Variants in CDKL3 observed in about 807,000 individuals in gnomAD.
The protein encoded by CDKL3 is cyclin-dependent kinase-like 3.
CDKL3 carries 65 observed loss-of-function variants against 69.3 expected under a neutral mutation model. The observed-to-expected ratio is 0.94, with a 90% CI of 0.77 to 1.15. The LOEUF (loss-of-function observed/expected upper bound fraction) is 1.15, where lower values mean the gene tolerates loss of function less well. Ranked by LOEUF, CDKL3 falls within the 50% of genes most tolerant of loss-of-function variation. CDKL3 has a pLI of 0.00. For synonymous variants in CDKL3, 202 were observed against 221.6 expected (o/e 0.91, Z 0.79); for missense variants, 652 against 689.2 (o/e 0.95, Z 0.61).
chr5:134,336,828 G>A (rs1777230647), intron 4 of CDKL3, among the ~76,000 whole-genome samples: 2 of 152,352 alleles, frequency 1.3e-5, no homozygotes, highest in Non-Finnish European at 1.5e-5. Context: ...TCGGAGCTCA[G>A]ATGTCATGCT....
upstream of CDKL3, chr5:134,371,549 C>T (rs770588801): frequency 1.3e-6 from 2 of 1,598,600 alleles, no homozygotes; most frequent in South Asian, 1.1e-5. Flanking sequence ...GGGGGGGCTG[C>T]GCGGGACTTT....
intron 3 of CDKL3, among the ~76,000 whole-genome samples, chr5:134,353,624 T>C (rs977551397): frequency 1.3e-5 from 2 of 150,880 alleles, no homozygotes; most frequent in African/African-American, 4.9e-5. Context: ...CAATCTCGGC[T>C]CACTGCAACC....
upstream of CDKL3, among the ~76,000 whole-genome samples, chr5:134,369,990 A>G (rs1418323546): frequency 6.6e-6 from 1 of 152,240 alleles, no homozygotes; most frequent in African/African-American, 2.4e-5. Flanking sequence ...TTTAACTTAA[A>G]AAACACATTG....
rs762641449 is a variant in CDKL3, at chr5:134,350,421, G to A, written c.367C>T (p.His123Tyr). The change falls in exon 4 of 13, where the codon CAT becomes TAT. Residue 123 changes from histidine to tyrosine, a missense_variant. Coordinates refer to ENST00000265334, the MANE Select transcript of CDKL3 (RefSeq NM_001113575.2). ...IDYLHSNNIIHRDIKPENILV... is the reference protein window; with the variant it reads ...IDYLHSNNIIYRDIKPENILV... ...ATATTCTCAGGTTTTATATCTCGAT[G>A]AATGATCTAAAAAACAAACAGAATA... is the stretch of plus-strand genomic sequence containing the variant. The A allele has an allele frequency of 1.3e-6, 2 of 1,537,468 alleles. No homozygotes were observed. The highest frequency in any genetic ancestry group is 2.4e-5 in the South Asian group (2 of 82,698).
intron 8 of CDKL3, among the ~76,000 whole-genome samples, chr5:134,293,164 G>T (rs2149405077): frequency 6.6e-6 from 1 of 151,840 alleles, no homozygotes; most frequent in Admixed American, 6.6e-5. Flanking sequence ...GAGATTACAG[G>T]CATGCGCCAC....
intron 12 of CDKL3, chr5:134,299,475 A>G: frequency 8.2e-7 from 1 of 1,212,450 alleles, no homozygotes. Flanking sequence ...CCAGTCAGGT[A>G]GTTTTTATAA....
Position 134,310,981 on chromosome 5 carries a change from C to T in CDKL3, c.881+1311G>A, listed in dbSNP as rs1045134716. On this transcript the variant is annotated intron_variant, in intron 7 of 12. Transcript: ENST00000265334. ...ATGGATGTCCATCTTTCTAACGTCA[C>T]GTCCAAAGACAAGCTGAATGGTTTT... Among the ~76,000 whole-genome samples the T allele has an allele frequency of 4.6e-5, 7 of 152,174 alleles. No individual in the cohort carries two copies. In the South Asian group the frequency reaches 8.3e-4, roughly 18 times the overall value.
At chr5:134,286,114 G>A (rs1764848139), downstream of CDKL3, among the ~76,000 whole-genome samples, 1 of 152,018 alleles carries the variant, frequency 6.6e-6, no homozygotes, top group Non-Finnish European at 1.5e-5. Context: ...GAGTGAGACT[G>A]TCTCAAAAAA....
intron 3 of CDKL3, among the ~76,000 whole-genome samples, chr5:134,352,552 C>T (rs527851302): frequency 1.3e-5 from 2 of 152,074 alleles, no homozygotes; most frequent in African/African-American, 4.8e-5. Context: ...TCACCTGCCT[C>T]AGCCTCCCAA....
At chr5:134,311,187 C>T (rs988710239) in intron 7 of CDKL3, among the ~76,000 whole-genome samples, 2 of 152,130 alleles carry the variant, frequency 1.3e-5, no homozygotes, top group Admixed American at 1.3e-4. Flanking sequence ...AGGGAACTTC[C>T]AATTTCATGG....
chr5:134,298,686 T>TC lies in CDKL3; in HGVS notation c.1743dup (p.Lys582GlufsTer25). ...AAAAACCTGTTTCTCTTCAAATTCT[T>TC]CCCCTCGCAATGGCCATCTCCACCC... On this transcript the variant is annotated frameshift_variant, in exon 13 of 13. Coordinates refer to ENST00000265334, the MANE Select transcript of CDKL3 (RefSeq NM_001113575.2). LOFTEE classifies it high-confidence loss of function. The TC allele has an allele frequency of 1.2e-6, 2 of 1,613,058 alleles. No homozygotes were observed. Among genetic ancestry groups the TC allele is most frequent in the Non-Finnish European group, 1.7e-6 (2 of 1,179,396 alleles).
At chr5:134,321,008 T>C (rs1223845140) in intron 5 of CDKL3, among the ~76,000 whole-genome samples, 2 of 140,984 alleles carry the variant, frequency 1.4e-5, no homozygotes, top group African/African-American at 5.3e-5. Context: ...ACATATTCTT[T>C]TTTTTTTTTT....
At chr5:134,287,473 C>T (rs111266687) in intron 8 of CDKL3, among the ~76,000 whole-genome samples, 1 of 152,156 alleles carries the variant, frequency 6.6e-6, no homozygotes, top group Non-Finnish European at 1.5e-5. Context: ...CAGTTGTATC[C>T]CCTTTCACTT....
intron 3 of CDKL3, among the ~76,000 whole-genome samples, chr5:134,352,133 A>G (rs1017893408): frequency 3.9e-5 from 6 of 152,148 alleles, no homozygotes; most frequent in South Asian, 2.1e-4. Flanking sequence ...AAGTAAGATC[A>G]TGCGGTATTT....
upstream of CDKL3, chr5:134,371,507 T>TC (rs1486844322): frequency 6.9e-7 from 1 of 1,439,460 alleles, no homozygotes; most frequent in Non-Finnish European, 9.2e-7. Flanking sequence ...GCGGCGGCGA[T>TC]CCACAGTGAT....
At chr5:134,326,799 A>ATATATATATATGTGTGTG (rs1774327763) in intron 4 of CDKL3, among the ~76,000 whole-genome samples, 3 of 131,160 alleles carry the variant, frequency 2.3e-5, no homozygotes, top group South Asian at 2.4e-4. Context: ...GCGTGTGTGT[A>ATATATATATATGTGTGTG]TATATATATA....
intron 8 of CDKL3, chr5:134,286,594 A>G (rs762045820): frequency 6.5e-6 from 1 of 153,022 alleles, no homozygotes; most frequent in Non-Finnish European, 1.5e-5. Context: ...AAAGAGGTTT[A>G]TTAGACTTAC....
At chr5:134,353,585 C>A (rs1753826524) in intron 3 of CDKL3, among the ~76,000 whole-genome samples, 1 of 148,014 alleles carries the variant, frequency 6.8e-6, no homozygotes, top group South Asian at 2.1e-4. Flanking sequence ...CAGAGTCTCG[C>A]TTTGTCACCA....
At chr5:134,336,128 G>A (rs1777048500) in intron 4 of CDKL3, among the ~76,000 whole-genome samples, 1 of 152,126 alleles carries the variant, frequency 6.6e-6, no homozygotes, top group East Asian at 1.9e-4. Context: ...ATTGAAGCTT[G>A]TGTATGCTTC....
Sources: allele counts gnomAD v4.1 joint callset (sites outside exome capture counted in the v4.1 genomes callset), GRCh38; gene constraint gnomAD v4.1.1; transcripts MANE v1.5; gene names NCBI Gene and HGNC (gene_info 2026-07-23, HGNC 2026-07-21).